PRMT8: variants seen among roughly 807,000 people sequenced by gnomAD.
PRMT8 encodes the protein protein arginine N-methyltransferase 8.
A neutral mutation model predicts 47.1 loss-of-function variants in PRMT8; 7 were observed. The observed-to-expected ratio is 0.15, with a 90% confidence interval of 0.08 to 0.28. PRMT8 has a LOEUF of 0.28. Ranked by LOEUF, PRMT8 falls within the 10% of genes least tolerant of loss-of-function variation. The pLI is 1.00. For missense variants in PRMT8, 237 were observed against 505.4 expected, an observed-to-expected ratio of 0.47 and a Z score of 5.09; for synonymous variants, 188 against 186.5, an observed-to-expected ratio of 1.01 and a Z score of -0.07.
intron 1 of PRMT8, among the ~76,000 whole-genome samples, chr12:3,458,176 A>G (rs1405516177): frequency 2.0e-5 from 3 of 152,108 alleles, no homozygotes; most frequent in Admixed American, 6.5e-5. Flanking sequence ...CAGTGTTTTA[A>G]TCGTGTATCC....
At chr12:3,433,737 G>A (rs563179142) in intron 1 of PRMT8, among the ~76,000 whole-genome samples, 2 of 152,102 alleles carry the variant, frequency 1.3e-5, no homozygotes, top group South Asian at 2.1e-4. Flanking sequence ...TCATTCTCCC[G>A]ACTAGCTGGG....
At chr12:3,573,135 G>T (rs1866880008) in intron 6 of PRMT8, among the ~76,000 whole-genome samples, 1 of 151,954 alleles carries the variant, frequency 6.6e-6, no homozygotes, top group Non-Finnish European at 1.5e-5. Flanking sequence ...AATAATGTTT[G>T]ATATTGTCCT....
At chr12:3,458,031 C>T (rs936591429) in intron 1 of PRMT8, among the ~76,000 whole-genome samples, 4 of 151,952 alleles carry the variant, frequency 2.6e-5, no homozygotes, top group South Asian at 4.2e-4. Context: ...TTAGTAGAGA[C>T]GGGGTTTCAC....
intron 1 of PRMT8, among the ~76,000 whole-genome samples, chr12:3,478,449 C>G (rs61211857): frequency 0.068 from 10,308 of 152,250 alleles, 1,097 homozygotes; most frequent in African/African-American, 0.23. Context: ...AGCCATGGTT[C>G]ATTTCTGGTT....
intron 1 of PRMT8, among the ~76,000 whole-genome samples, chr12:3,532,762 T>G (rs1866053541): frequency 1.3e-5 from 2 of 152,098 alleles, no homozygotes; most frequent in Admixed American, 6.5e-5. Context: ...TTTCAAACTT[T>G]ATGGTGTATC....
Position 3,593,679 on chromosome 12 carries a change from T to C in PRMT8, c.*497T>C, listed in dbSNP as rs1368838339. On this transcript the variant is annotated 3_prime_UTR_variant, in exon 10 of 10. Coordinates refer to ENST00000382622, the MANE Select transcript of PRMT8 (RefSeq NM_019854.5). This position sits in a 1 kb window ranked among gnomAD's most constrained non-coding sequence, Gnocchi z 4.8. ...ATATTTACCCACAAACACCTGTATA[T>C]GCGTGCATATACAACCAAGTGGGTA... The C allele has an allele frequency of 1.1e-5, 2 of 177,764 alleles. No homozygotes were observed. Among genetic ancestry groups the C allele is most frequent in the Non-Finnish European group, 2.3e-5 (2 of 85,868 alleles). 11.0% of individuals were successfully genotyped at this position (177,764 alleles called of 1,614,324 possible).
At chr12:3,575,284 C>T (rs1448322932) in intron 6 of PRMT8, among the ~76,000 whole-genome samples, 2 of 152,238 alleles carry the variant, frequency 1.3e-5, no homozygotes, top group African/African-American at 4.8e-5. Context: ...TAAACACACA[C>T]AGGAACATAC....
rs944960341 is a variant in PRMT8 at position 3,397,805 on chromosome 12, C to G, written c.48+16363C>G. Among the ~76,000 whole-genome samples the G allele has an allele frequency of 3.9e-4, 60 of 152,276 alleles. 1 individual carries two copies. The highest frequency in any genetic ancestry group is 7.0e-4 in the African/African-American group (29 of 41,582). On this transcript the variant is annotated intron_variant, in intron 1 of 9. Transcript: ENST00000452611. ...CCGGGCAATGGCGGGCGCCCCTCCC[C>G]CAGCCTCGCTGCCGCCTTGCAGTTT...
In PRMT8 at chr12:3,515,220, C is replaced by T. The variant is rs964308762; in HGVS notation, c.75+23520C>T. On this transcript the variant is annotated intron_variant, in intron 1 of 9. Coordinates refer to ENST00000382622, the MANE Select transcript of PRMT8 (RefSeq NM_019854.5). ...CTGGCTGTGGTTTTGATTGTGGTGG[C>T]GGCTGCTCATTAGGATTGCTAGCTG... Among the ~76,000 whole-genome samples the T allele has an allele frequency of 1.5e-4, 23 of 152,152 alleles. 1 individual carries two copies. The highest frequency in any genetic ancestry group is 2.5e-4 in the Non-Finnish European group (17 of 68,030).
At chr12:3,457,842 CT>C (rs762181050) in intron 1 of PRMT8, among the ~76,000 whole-genome samples, 28 of 81,094 alleles carry the variant, frequency 3.5e-4, no homozygotes, top group African/African-American at 1.2e-3. Context: ...TTCCAGTTTG[CT>C]TTTTTTTTTT....
intron 1 of PRMT8, among the ~76,000 whole-genome samples, chr12:3,496,215 T>TATATATATATATA (rs1555085719): frequency 4.8e-3 from 117 of 24,248 alleles, no homozygotes; most frequent in African/African-American, 0.014. Flanking sequence ...TATATATATA[T>TATATATATATATA]TTTTTTTTTT....
At chr12:3,482,751 C>T (rs1865286531) in intron 1 of PRMT8, among the ~76,000 whole-genome samples, 1 of 152,146 alleles carries the variant, frequency 6.6e-6, no homozygotes, top group African/African-American at 2.4e-5. Flanking sequence ...TTGAGCCTGT[C>T]ACCTTCAGCC....
chr12:3,528,719 T>C (rs1865981753), intron 1 of PRMT8, among the ~76,000 whole-genome samples: 1 of 152,238 alleles, frequency 6.6e-6, no homozygotes, highest in Non-Finnish European at 1.5e-5. Context: ...TTTGACTAGA[T>C]GCCAGACATT....
At chr12:3,401,556 T>TGTATA (rs1864317134) in intron 1 of PRMT8, among the ~76,000 whole-genome samples, 2 of 152,162 alleles carry the variant, frequency 1.3e-5, no homozygotes, top group African/African-American at 2.4e-5. Context: ...CAGGATAACA[T>TGTATA]GATCCTATAT....
At chr12:3,563,338 A>C (rs1208052820) in intron 4 of PRMT8, among the ~76,000 whole-genome samples, 1 of 151,764 alleles carries the variant, frequency 6.6e-6, no homozygotes, top group Admixed American at 6.6e-5. Flanking sequence ...GACAAAGCAG[A>C]CCCTCGAGTC....
chr12:3,414,330 C>T (rs1565401855), intron 1 of PRMT8, among the ~76,000 whole-genome samples: 1 of 152,168 alleles, frequency 6.6e-6, no homozygotes, highest in Non-Finnish European at 1.5e-5. Flanking sequence ...TTCTCCCCAT[C>T]GACAAGCAAG....
chr12:3,448,419 T>C (rs146738548), intron 1 of PRMT8, among the ~76,000 whole-genome samples: 1 of 152,364 alleles, frequency 6.6e-6, no homozygotes, highest in African/African-American at 2.4e-5. Flanking sequence ...TAAAAATTAG[T>C]TCATTTAAAA....
chr12:3,460,383 G>A (rs200463965), intron 1 of PRMT8, among the ~76,000 whole-genome samples: 1 of 152,150 alleles, frequency 6.6e-6, no homozygotes, highest in Non-Finnish European at 1.5e-5. Flanking sequence ...GGACATCACC[G>A]GCTTCTAAGT....
intron 1 of PRMT8, among the ~76,000 whole-genome samples, chr12:3,442,535 A>G (rs1864814160): frequency 6.6e-6 from 1 of 152,086 alleles, no homozygotes; most frequent in Admixed American, 6.5e-5. Flanking sequence ...GGGATGGGAA[A>G]CAGAAGCTTC....
Sources: allele counts gnomAD v4.1 joint callset (sites outside exome capture counted in the v4.1 genomes callset), GRCh38; gene constraint gnomAD v4.1.1; non-coding constraint Gnocchi (gnomAD v3.1); transcripts MANE v1.5; gene names NCBI Gene and HGNC (gene_info 2026-07-23, HGNC 2026-07-21).